Variants in ZFP62 observed in about 807,000 individuals in gnomAD.
ZFP62 encodes the protein zinc finger protein 62 homolog.
A neutral mutation model predicts 56.4 loss-of-function variants in ZFP62; 44 were observed. The ratio of observed to expected loss-of-function variants is 0.78; its 90% CI spans 0.61 to 1.00. The LOEUF (loss-of-function observed/expected upper bound fraction) is 1.00. Among genes scored for constraint, ZFP62 ranks in the 50% least tolerant of loss-of-function variants. The probability of loss-of-function intolerance (pLI) is 0.00; values close to 1 mark genes in which losing one functional copy is unlikely to be tolerated. For synonymous variants in ZFP62, 421 were observed against 388.9 expected (o/e 1.08, Z -0.97); for missense variants, 1,030 against 1,085.7 (o/e 0.95, Z 0.72).
At chr5:180,859,270 G>T (rs903566083) in intron 1 of ZFP62, among the ~76,000 whole-genome samples, 1 of 152,186 alleles carries the variant, frequency 6.6e-6, no homozygotes, top group Non-Finnish European at 1.5e-5. Flanking sequence ...CTTGGATACT[G>T]TCTTTGATTT....
At chr5:180,837,624 A>G in the ZFP62 span, among the ~76,000 whole-genome samples, 2 of 152,204 alleles carry the variant, frequency 1.3e-5, no homozygotes, top group Non-Finnish European at 1.5e-5. Flanking sequence ...GCATAAAGGT[A>G]TGTTAATTCG....
chr5:180,833,669 G>A, the ZFP62 span, among the ~76,000 whole-genome samples: 2 of 145,900 alleles, frequency 1.4e-5, no homozygotes, highest in South Asian at 4.2e-4. Flanking sequence ...TCTATGACAC[G>A]GTATTTTTTT....
the ZFP62 span, among the ~76,000 whole-genome samples, chr5:180,841,038 G>A: frequency 5.3e-5 from 8 of 151,792 alleles, no homozygotes; most frequent in African/African-American, 1.9e-4. Context: ...CTGAGGACAG[G>A]GTCTAAGAAA....
At chr5:180,860,261 C>A (rs1774231246) in intron 1 of ZFP62, among the ~76,000 whole-genome samples, 1 of 152,170 alleles carries the variant, frequency 6.6e-6, no homozygotes, top group South Asian at 2.1e-4. Flanking sequence ...TAGGAAGATA[C>A]CTAAGCGGGA....
chr5:180,848,500 T>G lies in ZFP62; in HGVS notation c.*292A>C, dbSNP rs1773499999. 1 of 1,116,982 alleles carries G rather than the reference T, an allele frequency of 9.0e-7. No individual in the cohort carries two copies. The highest frequency in any genetic ancestry group is 1.6e-5 in the African/African-American group (1 of 61,846). 69.2% of individuals were successfully genotyped at this position (1,116,982 alleles called of 1,614,324 possible). A position where few individuals can be genotyped will look rare whatever the true frequency, so the allele number is the denominator to read the frequency against. On this transcript the variant is annotated 3_prime_UTR_variant, in exon 2 of 2. Coordinates refer to ENST00000502412, the MANE Select transcript of ZFP62 (RefSeq NM_001172638.2). ...TTGAAGCCCTTTCCTCATCTGTGTTTTATGTCCAGAAATGTCTACTGATTT... is the reference window on the plus strand; with the variant it reads ...TTGAAGCCCTTTCCTCATCTGTGTTGTATGTCCAGAAATGTCTACTGATTT...
At chr5:180,836,649 G>C in the ZFP62 span, among the ~76,000 whole-genome samples, 1 of 152,222 alleles carries the variant, frequency 6.6e-6, no homozygotes, top group Non-Finnish European at 1.5e-5. Context: ...ACCCACATCA[G>C]AGGTCAAGCC....
chr5:180,838,513 G>A, the ZFP62 span, among the ~76,000 whole-genome samples: 3 of 152,232 alleles, frequency 2.0e-5, no homozygotes, highest in Non-Finnish European at 4.4e-5. Context: ...CTGAGCATTA[G>A]GTAGTAGTAA....
chr5:180,845,960 AT>A (rs1196232723), downstream of ZFP62: 1 of 662,960 alleles, frequency 1.5e-6, no homozygotes, highest in Non-Finnish European at 1.9e-6. Context: ...AGGCTATTCC[AT>A]ACTCACTGTT....
intron 1 of ZFP62, 48 bp from the exon 2 acceptor site, chr5:180,851,541 A>G (rs376819141): frequency 7.5e-6 from 11 of 1,463,490 alleles, no homozygotes; most frequent in African/African-American, 7.1e-5. Flanking sequence ...CTTAAAAAAA[A>G]ACAAAAACAA....
intron 1 of ZFP62, among the ~76,000 whole-genome samples, chr5:180,852,345 C>T (rs1773755005): frequency 6.6e-6 from 1 of 152,050 alleles, no homozygotes; most frequent in South Asian, 2.1e-4. Context: ...ATCACGAGGT[C>T]AAGAGATCGA....
In ZFP62 at chr5:180,849,594, TGA is replaced by T; in HGVS notation, c.1899_1900del (p.Gln634AlafsTer7). On this transcript the variant is annotated frameshift_variant, in exon 2 of 2. Transcript: ENST00000502412. LOFTEE classifies it high-confidence loss of function. ...CTCTCTAGTGTGGACCCTTCTGTGC[TGA>T]GAAAGGAGCGATGTGTAATTAAAAG... The T allele has an allele frequency of 6.4e-7, 1 of 1,552,080 alleles. No homozygotes were observed. Among genetic ancestry groups the T allele is most frequent in the Non-Finnish European group, 8.7e-7 (1 of 1,147,084 alleles).
At chr5:180,851,993 GA>G in intron 1 of ZFP62, 1 of 986,846 alleles carries the variant, frequency 1.0e-6, no homozygotes, top group South Asian at 4.7e-5. Context: ...AGTACCTGGG[GA>G]GGGGTATCAG....
At chr5:180,828,436 C>T in the ZFP62 span, among the ~76,000 whole-genome samples, 5,377 of 152,220 alleles carry the variant, frequency 0.035, 92 homozygotes, top group South Asian at 0.067. Flanking sequence ...TTCTATGTTG[C>T]GGGAAGTCAG....
chr5:180,829,044 G>C, the ZFP62 span, among the ~76,000 whole-genome samples: 15 of 152,168 alleles, frequency 9.9e-5, no homozygotes, highest in Non-Finnish European at 2.1e-4. Flanking sequence ...GTAAATTTTT[G>C]GTCAGACCGG....
intron 1 of ZFP62, chr5:180,860,378 A>G (rs1466289306): frequency 6.6e-6 from 1 of 152,138 alleles, no homozygotes; most frequent in Admixed American, 6.5e-5. Flanking sequence ...GAGCTTTCAC[A>G]AAGAAATGCT....
Position 180,849,006 on chromosome 5 carries a change from TG to T in ZFP62, c.2488del (p.His830ThrfsTer39). 1 of 1,551,820 alleles carries T rather than the reference TG, an allele frequency of 6.4e-7. No homozygotes were observed. On this transcript the variant is annotated frameshift_variant, in exon 2 of 2. Transcript: ENST00000502412. LOFTEE classifies it high-confidence loss of function. ...SFNYRSVLDQHKRIHTGKKPY... is the reference protein window; with the variant it reads ...SFNYRSVLDQXKRIHTGKKPY... ...CTTCTTTCCAGTGTGGATCCTTTTG[TG>T]CTGGTCAAGGACTGATCTATAATTG...
chr5:180,860,561 C>G (rs1263176022), intron 1 of ZFP62: 1 of 151,716 alleles, frequency 6.6e-6, no homozygotes, highest in Non-Finnish European at 1.5e-5. Flanking sequence ...CAGGAACACG[C>G]GGCAGGTCGC....
rs1024396754 is a variant in ZFP62 at position 180,847,680 on chromosome 5, A to G, written c.*1112T>C. The G allele has an allele frequency of 5.7e-5, 56 of 985,060 alleles. No homozygotes were observed. The highest frequency in any genetic ancestry group is 6.1e-5 in the Non-Finnish European group (51 of 829,664). 61.0% of individuals were successfully genotyped at this position (985,060 alleles called of 1,614,324 possible). On this transcript the variant is annotated 3_prime_UTR_variant, in exon 2 of 2. Transcript: ENST00000502412. ...CCACAAGGAGCTGGCTTTCATGACA[A>G]AGAGAGAGTGAGCCCTGAACAAAGT...
the ZFP62 span, among the ~76,000 whole-genome samples, chr5:180,827,840 C>T: frequency 7.9e-5 from 12 of 152,334 alleles, no homozygotes; most frequent in South Asian, 2.1e-4. Context: ...AGGGAAAAAC[C>T]GCCTTAGGGC....
Sources: allele counts gnomAD v4.1 joint callset (sites outside exome capture counted in the v4.1 genomes callset), GRCh38; gene constraint gnomAD v4.1.1; transcripts MANE v1.5; gene names NCBI Gene and HGNC (gene_info 2026-07-23, HGNC 2026-07-21).